Variants in GPAT3 observed in about 807,000 individuals in gnomAD.
The protein encoded by GPAT3 is 1-AGP acyltransferase 9.
In GPAT3, 53 loss-of-function variants were observed where a neutral mutation model predicts 58.8. The observed-to-expected ratio is 0.90, with a 90% CI of 0.72 to 1.13. The LOEUF (loss-of-function observed/expected upper bound fraction) is 1.13. GPAT3 is among the 50% of genes most tolerant of loss of function. GPAT3 has a pLI of 0.00. For synonymous variants in GPAT3, 197 were observed against 187.4 expected (o/e 1.05, Z -0.42); for missense variants, 511 against 527.6 (o/e 0.97, Z 0.31).
intron 11 of GPAT3, 106 bp downstream of exon 11, chr4:83,598,829 C>T: frequency 1.3e-6 from 1 of 758,992 alleles, no homozygotes. Context: ...AGTGCAGTAG[C>T]ATGATCATAG....
At chr4:83,579,019 T>TTCCTTCC (rs1560620864) in intron 2 of GPAT3, among the ~76,000 whole-genome samples, 1 of 12,772 alleles carries the variant, frequency 7.8e-5, no homozygotes, top group African/African-American at 2.5e-4. Context: ...CTTCTTTCCC[T>TTCCTTCC]TTCTTTCTTT....
chr4:83,577,989 C>T (rs1024117470), intron 2 of GPAT3, among the ~76,000 whole-genome samples: 12 of 151,610 alleles, frequency 7.9e-5, no homozygotes, highest in African/African-American at 1.7e-4. Context: ...TTAGTAGAGA[C>T]GGGGTTTCAC....
intron 2 of GPAT3, among the ~76,000 whole-genome samples, chr4:83,568,231 G>C (rs762219650): frequency 2.6e-5 from 4 of 152,054 alleles, no homozygotes; most frequent in Admixed American, 6.6e-5. Context: ...GGGGGAGCGT[G>C]AGTAGTTTCA....
Position 83,598,628 on chromosome 4 carries a change from T to C in GPAT3, c.1126-16T>C. ...TAACTAAGATATTCTTGCAATTTTT[T>C]TTTTTTTTAAACCAGGAAGGAGAAG... On this transcript the variant is annotated splice_polypyrimidine_tract_variant and intron_variant, in intron 10 of 11. Transcript: ENST00000264409. 6.2e-7 allele frequency: 1 copy of C among 1,601,824 alleles called. No individual in the cohort carries two copies. Among genetic ancestry groups the C allele is most frequent in the Non-Finnish European group, 8.5e-7 (1 of 1,174,876 alleles).
intron 2 of GPAT3, among the ~76,000 whole-genome samples, chr4:83,566,228 G>A (rs890873720): frequency 4.6e-5 from 7 of 152,054 alleles, no homozygotes; most frequent in East Asian, 1.9e-4. Context: ...TTGTAGAGAC[G>A]GCATTTCACC....
intron 9 of GPAT3, 81 bp from the exon 10 acceptor site, chr4:83,597,970 G>T: frequency 1.3e-6 from 2 of 1,509,692 alleles, no homozygotes; most frequent in East Asian, 2.3e-5. Flanking sequence ...AAAGCTGTTT[G>T]GCCTACCACC....
At chr4:83,586,630 T>C (rs1190566058) in intron 3 of GPAT3, among the ~76,000 whole-genome samples, 1 of 152,250 alleles carries the variant, frequency 6.6e-6, no homozygotes, top group East Asian at 1.9e-4. Flanking sequence ...TTGTCTTAAC[T>C]TTCCTTTTTG....
chr4:83,588,961 G>A (rs920281681), intron 5 of GPAT3, among the ~76,000 whole-genome samples: 2 of 152,130 alleles, frequency 1.3e-5, no homozygotes, highest in Non-Finnish European at 2.9e-5. Context: ...AAAAGTTCTA[G>A]GCCAAGCTTC....
intron 2 of GPAT3, among the ~76,000 whole-genome samples, chr4:83,549,047 G>A (rs1392920182): frequency 6.6e-6 from 1 of 151,394 alleles, no homozygotes; most frequent in Non-Finnish European, 1.5e-5. Flanking sequence ...TGTGACAGAA[G>A]TTTGAGAAAT....
At position 83,581,674 on chromosome 4, in the gene GPAT3, T is replaced by C. The variant is rs1251064702; in HGVS notation, c.321T>C (p.Ile107=). Residue 107 remains isoleucine, a synonymous_variant, in exon 3 of 12, where the codon ATT becomes ATC. Transcript: ENST00000264409. The part of the protein sequence containing the change: ...FYFSKKGLEA[I]VEDEVTQRFS... ...TCTCCAAGAAGGGATTGGAAGCCAT[T>C]GTAGAAGATGAAGTGACCCAGAGGT... 3 of 1,614,038 alleles carry C rather than the reference T, an allele frequency of 1.9e-6. No homozygotes were observed. The highest frequency in any genetic ancestry group is 4.5e-5 in the East Asian group (2 of 44,898).
At chr4:83,566,985 A>T (rs1220800567) in intron 2 of GPAT3, among the ~76,000 whole-genome samples, 1 of 152,198 alleles carries the variant, frequency 6.6e-6, no homozygotes. Context: ...TACTTTAGTA[A>T]GGTAGAAGAA....
intron 2 of GPAT3, among the ~76,000 whole-genome samples, chr4:83,574,083 G>T (rs1369842291): frequency 2.6e-5 from 4 of 152,140 alleles, no homozygotes; most frequent in Non-Finnish European, 5.9e-5. Context: ...CTTATGACTG[G>T]GTGGGGTTCT....
In GPAT3 at chr4:83,587,341, C is replaced by T; in HGVS notation, c.554+12C>T. 6.2e-7 allele frequency: 1 copy of T among 1,609,376 alleles called. No homozygotes were observed. Among genetic ancestry groups the T allele is most frequent in the East Asian group, 2.2e-5 (1 of 44,860 alleles). ...CTGCCAGACAGCAGGTGAAATGTTT[C>T]CTTCCATCCAGCCATATATAGGACT... On this transcript the variant is annotated intron_variant, in intron 4 of 11. Coordinates refer to ENST00000264409, the MANE Select transcript of GPAT3 (RefSeq NM_032717.5).
intron 1 of GPAT3, among the ~76,000 whole-genome samples, chr4:83,538,016 A>G (rs956252454): frequency 1.3e-5 from 2 of 152,168 alleles, no homozygotes; most frequent in Non-Finnish European, 2.9e-5. Flanking sequence ...TACTGTATGA[A>G]TGCTTGTTGC....
intron 5 of GPAT3, among the ~76,000 whole-genome samples, chr4:83,589,153 A>G (rs1001627675): frequency 2.6e-5 from 4 of 152,264 alleles, no homozygotes; most frequent in Non-Finnish European, 5.9e-5. Flanking sequence ...GTGTGCAGTC[A>G]GAAGAAACAC....
At position 83,596,898 on chromosome 4, in the gene GPAT3, C is replaced by T. The variant is rs760557933; in HGVS notation, c.895C>T (p.Leu299=). ...HIADKKKLPI[L]IFPEGTCINN... is the part of the protein sequence containing the mutation. The stretch of plus-strand genomic sequence containing the variant: ...TGCTGATAAGAAGAAACTACCCATA[C>T]TAATTTTTCCTGAAGGTAAGAATGG... Residue 299 remains leucine, a synonymous_variant, in exon 8 of 12, where the codon CTA becomes TTA. Coordinates refer to ENST00000264409, the MANE Select transcript of GPAT3 (RefSeq NM_032717.5). The T allele has an allele frequency of 6.3e-7, 1 of 1,599,668 alleles. No individual in the cohort carries two copies. Among genetic ancestry groups the T allele is most frequent in the Non-Finnish European group, 8.5e-7 (1 of 1,176,368 alleles).
At chr4:83,569,026 T>G (rs994963797) in intron 2 of GPAT3, among the ~76,000 whole-genome samples, 1 of 152,334 alleles carries the variant, frequency 6.6e-6, no homozygotes. Context: ...GTTCTAATGC[T>G]TACTGGTAAT....
intron 3 of GPAT3, among the ~76,000 whole-genome samples, chr4:83,583,372 C>A (rs1209816800): frequency 6.6e-6 from 1 of 151,256 alleles, no homozygotes; most frequent in East Asian, 2.0e-4. Flanking sequence ...TGTTTTCATT[C>A]TTAAAAAGAA....
In GPAT3 at chr4:83,592,721, G is replaced by A. The variant is rs1206932129; in HGVS notation, c.739-2124G>A. Among the ~76,000 whole-genome samples, 5 of 152,122 alleles carry A rather than the reference G, an allele frequency of 3.3e-5. No homozygotes were observed. The East Asian group carries it at 7.7e-4, about 24-fold the overall frequency. On this transcript the variant is annotated intron_variant, in intron 6 of 11. Coordinates refer to ENST00000264409, the MANE Select transcript of GPAT3 (RefSeq NM_032717.5). ...GAAAATCACATTAGAGCACCCTTAT[G>A]CCCTTTATCCACATTTACCTGTTGG... is the stretch of plus-strand genomic sequence containing the variant.
Sources: gnomAD v4.1 joint callset for allele counts (sites outside exome capture counted in the v4.1 genomes callset) on GRCh38, gnomAD v4.1.1 for gene constraint, MANE v1.5 for transcripts, NCBI Gene and HGNC (gene_info 2026-07-23, HGNC 2026-07-21) for gene names.